Variants in PRRC2C observed in about 807,000 individuals in gnomAD.
PRRC2C encodes the protein protein PRRC2C.
In PRRC2C, 72 loss-of-function variants were observed where a neutral mutation model predicts 317.2. The ratio of observed to expected loss-of-function variants is 0.23; its 90% CI spans 0.19 to 0.28. PRRC2C has a LOEUF of 0.28. Ranked by LOEUF, PRRC2C falls within the 10% of genes least tolerant of loss-of-function variation. PRRC2C has a pLI of 1.00. For missense variants in PRRC2C, 3,074 were observed against 3,459.7 expected, an observed-to-expected ratio of 0.89 and a Z score of 2.80; for synonymous variants, 1,296 against 1,205.9, an observed-to-expected ratio of 1.07 and a Z score of -1.55.
At chr1:171,527,189 G>A (rs947941933) in intron 10 of PRRC2C, among the ~76,000 whole-genome samples, 1 of 151,762 alleles carries the variant, frequency 6.6e-6, no homozygotes, top group South Asian at 2.1e-4. Flanking sequence ...CTGGAGTGCA[G>A]TAGCATGATC....
chr1:171,529,815 A>G (rs1675430938), intron 11 of PRRC2C, among the ~76,000 whole-genome samples: 1 of 151,052 alleles, frequency 6.6e-6, no homozygotes, highest in African/African-American at 2.5e-5. Context: ...TTCTTACCAC[A>G]TACACATTGC....
chr1:171,560,936 G>T, intron 19 of PRRC2C, 82 bp from the exon 20 acceptor site: 1 of 1,053,826 alleles, frequency 9.5e-7, no homozygotes. Context: ...TACACAGTAG[G>T]AGATTAAGGA....
intron 17 of PRRC2C, among the ~76,000 whole-genome samples, chr1:171,549,813 C>T (rs570939493): frequency 1.2e-4 from 18 of 152,264 alleles, no homozygotes; most frequent in Middle Eastern, 3.4e-3. Flanking sequence ...ATGCCCATCT[C>T]GGCCTCCAAA....
At chr1:171,519,894 T>A (rs925796088) in intron 6 of PRRC2C, among the ~76,000 whole-genome samples, 3 of 152,214 alleles carry the variant, frequency 2.0e-5, no homozygotes, top group Non-Finnish European at 4.4e-5. Flanking sequence ...TTGTTCCAAT[T>A]TTGCTGCCAA....
chr1:171,540,794 G>A lies in PRRC2C; in HGVS notation c.3328G>A (p.Glu1110Lys). ...ATCTCAGGATACTGAGAAGCCTCTGGAACCTGTGAGTACTGTTCAGGTAGA... is the reference window on the plus strand; with the variant it reads ...ATCTCAGGATACTGAGAAGCCTCTGAAACCTGTGAGTACTGTTCAGGTAGA... ...KPSQDTEKPL[E>K]PVSTVQVEPA... Residue 1110 changes from glutamate (E) to lysine (K), a missense_variant, in exon 16 of 35, where the codon GAA becomes AAA. By Grantham distance (56) the Glu-to-Lys change is moderately conservative. Transcript: ENST00000647382. 6.2e-7 allele frequency: 1 copy of A among 1,613,852 alleles called. No homozygotes were observed. Among genetic ancestry groups the A allele is most frequent in the South Asian group, 1.1e-5 (1 of 91,066 alleles).
chr1:171,545,511 G>A lies in PRRC2C; in HGVS notation c.4796G>A (p.Gly1599Glu), dbSNP rs145240147. 1.3e-6 allele frequency: 2 copies of A among 1,580,966 alleles called. No homozygotes were observed. Among genetic ancestry groups the A allele is most frequent in the Non-Finnish European group, 1.7e-6 (2 of 1,163,064 alleles). Reference sequence around the variant, plus strand: ...GATGACCAGCCTGCAGGCACAACTGGGGTTGACCTCATCAATGGCAGCTCT... The same window carrying A: ...GATGACCAGCCTGCAGGCACAACTGAGGTTGACCTCATCAATGGCAGCTCT... ...PFDDQPAGTT[G>E]VDLINGSSAH... The change falls in exon 17 of 35, where the codon GGG (glycine) becomes GAG (glutamate). Residue 1599 changes from glycine (G) to glutamate (E), a missense_variant. Transcript: ENST00000647382.
intron 6 of PRRC2C, among the ~76,000 whole-genome samples, chr1:171,521,578 CTT>C (rs1673565634): frequency 7.3e-6 from 1 of 137,834 alleles, no homozygotes; most frequent in Non-Finnish European, 1.5e-5. Flanking sequence ...TGTGGACTGT[CTT>C]TTAATTTTAT....
At chr1:171,518,472 A>ATTTTTTTTCAG (rs1672821955) in intron 6 of PRRC2C, among the ~76,000 whole-genome samples, 1 of 111,022 alleles carries the variant, frequency 9.0e-6, no homozygotes, top group Non-Finnish European at 2.1e-5. Context: ...ATTTTTTTCA[A>ATTTTTTTTCAG]TTTTTTTTCA....
chr1:171,540,430 A>G lies in PRRC2C; in HGVS notation c.2964A>G (p.Lys988=). The change falls in exon 16 of 35, where the codon AAA becomes AAG. Residue 988 remains lysine, a synonymous_variant. Coordinates refer to ENST00000647382, the MANE Select transcript of PRRC2C (RefSeq NM_001387844.1). ...GACCAAAACCTGAAAAAGTATATAA[A>G]TCTAAATCAGAAACTCGTTGGGGCC... ...SEGPKPEKVY[K]SKSETRWGPR... is the part of the protein sequence containing the mutation. 2 of 1,613,030 alleles carry G rather than the reference A, an allele frequency of 1.2e-6. No individual in the cohort carries two copies. The highest frequency in any genetic ancestry group is 1.7e-6 in the Non-Finnish European group (2 of 1,179,492).
chr1:171,506,364 T>C (rs1469277754), intron 1 of PRRC2C, among the ~76,000 whole-genome samples: 2 of 152,264 alleles, frequency 1.3e-5, no homozygotes, highest in Non-Finnish European at 2.9e-5. Context: ...CTTGTTACTT[T>C]TAAGATTTTC....
intron 28 of PRRC2C, among the ~76,000 whole-genome samples, chr1:171,583,566 A>C (rs900346015): frequency 4.6e-5 from 7 of 152,234 alleles, no homozygotes; most frequent in Admixed American, 4.6e-4. Context: ...GTACACTCTA[A>C]AATAACCAGA....
At position 171,491,761 on chromosome 1, in the gene PRRC2C, CAT is replaced by C. The variant is rs1667198394; in HGVS notation, c.-58+6028_-58+6029del. Among the ~76,000 whole-genome samples, 5 of 152,176 alleles carry C rather than the reference CAT, an allele frequency of 3.3e-5. No individual in the cohort carries two copies. The South Asian group carries it at 6.2e-4, about 19-fold the overall frequency. On this transcript the variant is annotated intron_variant, in intron 1 of 34. Coordinates refer to ENST00000647382, the MANE Select transcript of PRRC2C (RefSeq NM_001387844.1). ...TTAATCAAGAAACTATATTAAATAT[CAT>C]AGTTTATCATATTTCAAAGAAGAGT...
At chr1:171,507,723 C>A (rs1557876541) in intron 1 of PRRC2C, among the ~76,000 whole-genome samples, 1 of 152,140 alleles carries the variant, frequency 6.6e-6, no homozygotes, top group East Asian at 1.9e-4. Flanking sequence ...AGGCACTGTT[C>A]CCCTCTGATC....
intron 1 of PRRC2C, among the ~76,000 whole-genome samples, chr1:171,499,456 G>A (rs1668691403): frequency 6.6e-6 from 1 of 152,180 alleles, no homozygotes; most frequent in Non-Finnish European, 1.5e-5. Flanking sequence ...GCAGTGAACA[G>A]CAGATGAGAT....
In PRRC2C at chr1:171,588,338, C is replaced by G. The variant is rs373953791; in HGVS notation, c.8073-41C>G. On this transcript the variant is annotated intron_variant, in intron 32 of 34. Coordinates refer to ENST00000647382, the MANE Select transcript of PRRC2C (RefSeq NM_001387844.1). ...TGCAAAAATCTAACAGCATTATTTA[C>G]TTGGTATTACTATACTGACTAGTAA... 1.4e-5 allele frequency: 22 copies of G among 1,592,340 alleles called. No individual in the cohort carries two copies. The African/African-American group carries it at 1.9e-4, about 14-fold the overall frequency.
At chr1:171,556,810 A>T (rs1681524870) in intron 18 of PRRC2C, among the ~76,000 whole-genome samples, 1 of 152,234 alleles carries the variant, frequency 6.6e-6, no homozygotes, top group Non-Finnish European at 1.5e-5. Flanking sequence ...AACCTTTGGA[A>T]CCAAATTTTC....
chr1:171,524,001 A>T (rs1236976866), intron 9 of PRRC2C, among the ~76,000 whole-genome samples: 1 of 151,816 alleles, frequency 6.6e-6, no homozygotes, highest in Non-Finnish European at 1.5e-5. Context: ...ATGCCACTGC[A>T]CTCCAGTCTG....
intron 17 of PRRC2C, among the ~76,000 whole-genome samples, chr1:171,547,633 C>CTTTTTTTTTTTTTT (rs35480518): frequency 1.5e-5 from 2 of 129,840 alleles, no homozygotes; most frequent in African/African-American, 5.8e-5. Flanking sequence ...AGTTTCCCTT[C>CTTTTTTTTTTTTTT]TTTTTTTTTT....
At position 171,512,158 on chromosome 1, in the gene PRRC2C, A is replaced by C. The variant is rs1257916081; in HGVS notation, c.70A>C (p.Asn24His). The stretch of plus-strand genomic sequence containing the variant: ...AAAGTATGCAACACTCAGTTTATTT[A>C]ATACTTACAAGGGGAAATCATTAGA... ...GKKYATLSLF[N>H]TYKGKSLETQ... Residue 24 changes from asparagine to histidine, a missense_variant, in exon 2 of 35, where the codon AAT becomes CAT. This residue lies in a region of PRRC2C where 71 missense variants were observed against 118.9 expected (regional missense o/e 0.60). Coordinates refer to ENST00000647382, the MANE Select transcript of PRRC2C (RefSeq NM_001387844.1). The C allele has an allele frequency of 6.3e-7, 1 of 1,580,886 alleles. No individual in the cohort carries two copies. The highest frequency in any genetic ancestry group is 1.3e-5 in the African/African-American group (1 of 74,246).
Sources: allele counts gnomAD v4.1 joint callset (sites outside exome capture counted in the v4.1 genomes callset), GRCh38; gene constraint gnomAD v4.1.1; regional missense constraint gnomAD v4.1.1; transcripts MANE v1.5; gene names NCBI Gene and HGNC (gene_info 2026-07-23, HGNC 2026-07-21).